CDH20: variants seen among roughly 807,000 people sequenced by gnomAD.
CDH20 encodes cadherin 20, also known as cadherin-20.
Under a neutral mutation model 74.2 loss-of-function variants are expected in CDH20, and 29 were observed. The observed-to-expected ratio is 0.39, with a 90% CI of 0.29 to 0.53. CDH20 has a LOEUF of 0.53. Among genes scored for constraint, CDH20 ranks in the 20% least tolerant of loss-of-function variants. CDH20 has a pLI of 0.69. For missense variants in CDH20, 988 were observed against 1,048.3 expected (o/e 0.94, Z 0.79); for synonymous variants, 469 against 405.4 (o/e 1.16, Z -1.88).
chr18:61,500,670 G>T (rs986007585), intron 4 of CDH20, among the ~76,000 whole-genome samples, 168 bp downstream of exon 4: 2 of 152,164 alleles, frequency 1.3e-5, no homozygotes, highest in African/African-American at 4.8e-5. Flanking sequence ...TGCCCTGACA[G>T]GTAAGAGCAG....
chr18:61,525,821 T>C (rs1478575049), intron 6 of CDH20, among the ~76,000 whole-genome samples: 2 of 152,202 alleles, frequency 1.3e-5, no homozygotes, highest in Middle Eastern at 3.4e-3. Flanking sequence ...TTAATGTAAT[T>C]TTTTTGAGAC....
At chr18:61,501,196 A>G (rs979576269) in intron 4 of CDH20, among the ~76,000 whole-genome samples, 1 of 152,202 alleles carries the variant, frequency 6.6e-6, no homozygotes, top group African/African-American at 2.4e-5. Context: ...GGCGAGGAGC[A>G]ATGCGGCAGA....
At chr18:61,367,247 G>A (rs1364647384) in intron 1 of CDH20, among the ~76,000 whole-genome samples, 1 of 152,082 alleles carries the variant, frequency 6.6e-6, no homozygotes, top group Non-Finnish European at 1.5e-5. Context: ...GCTGACACGG[G>A]AAAATGAGTA....
At chr18:61,425,017 C>CCTCTCT (rs201801706) in intron 1 of CDH20, among the ~76,000 whole-genome samples, 5,226 of 147,974 alleles carry the variant, frequency 0.035, 149 homozygotes, top group South Asian at 0.069. Context: ...AGTTCCTCTC[C>CCTCTCT]CTCTCTCTCC....
chr18:61,515,173 C>T (rs548134341), intron 6 of CDH20, among the ~76,000 whole-genome samples: 99 of 152,242 alleles, frequency 6.5e-4, no homozygotes, highest in Non-Finnish European at 9.6e-4. Flanking sequence ...CTAGGACCCT[C>T]GGAGCCAGGT....
intron 1 of CDH20, among the ~76,000 whole-genome samples, chr18:61,351,962 TAAAG>T (rs1337548580): frequency 6.6e-6 from 1 of 152,196 alleles, no homozygotes; most frequent in Non-Finnish European, 1.5e-5. Context: ...AAGCCATGCA[TAAAG>T]ACTTATTTTG....
At chr18:61,525,964 A>ATTTTT (rs1006282537) in intron 6 of CDH20, among the ~76,000 whole-genome samples, 19 of 84,362 alleles carry the variant, frequency 2.3e-4, no homozygotes, top group African/African-American at 3.9e-4. Flanking sequence ...CACCCAGCTA[A>ATTTTT]TTTTTTTTTT....
At chr18:61,359,498 C>T (rs991551105) in intron 1 of CDH20, among the ~76,000 whole-genome samples, 1 of 152,220 alleles carries the variant, frequency 6.6e-6, no homozygotes, top group East Asian at 1.9e-4. Context: ...GACCAATCTT[C>T]TAAGAATTCA....
chr18:61,337,274 C>T (rs922714065), intron 1 of CDH20, among the ~76,000 whole-genome samples: 1 of 152,170 alleles, frequency 6.6e-6, no homozygotes, highest in Non-Finnish European at 1.5e-5. Context: ...ATTCCCTCCA[C>T]ATTCTACTTC....
chr18:61,490,862 A>G, intron 2 of CDH20, 63 bp downstream of exon 2: 3 of 1,536,692 alleles, frequency 2.0e-6, no homozygotes, highest in Non-Finnish European at 2.7e-6. Context: ...TGAATTGAGT[A>G]TCAAAGTTGA....
intron 6 of CDH20, among the ~76,000 whole-genome samples, chr18:61,509,623 G>C (rs1169580036): frequency 1.3e-5 from 2 of 152,206 alleles, no homozygotes; most frequent in East Asian, 3.9e-4. Context: ...TTTTTACTCT[G>C]AGTAAAGTGG....
At chr18:61,412,256 A>C (rs1333936079) in intron 1 of CDH20, among the ~76,000 whole-genome samples, 2 of 152,198 alleles carry the variant, frequency 1.3e-5, no homozygotes, top group African/African-American at 4.8e-5. Context: ...CATTGAAAAG[A>C]TTACCAGTTT....
intron 6 of CDH20, among the ~76,000 whole-genome samples, chr18:61,523,124 G>C (rs1947303532): frequency 6.6e-6 from 1 of 151,504 alleles, no homozygotes; most frequent in African/African-American, 2.4e-5. Context: ...AATTCAACAG[G>C]CAACCTACAT....
At chr18:61,431,688 G>T (rs1913260328) in intron 1 of CDH20, among the ~76,000 whole-genome samples, 1 of 152,056 alleles carries the variant, frequency 6.6e-6, no homozygotes, top group South Asian at 2.1e-4. Flanking sequence ...AATAATTTTT[G>T]CCATCTTGAA....
At chr18:61,402,292 T>C (rs1051712473) in intron 1 of CDH20, among the ~76,000 whole-genome samples, 1 of 152,186 alleles carries the variant, frequency 6.6e-6, no homozygotes, top group Admixed American at 6.5e-5. Flanking sequence ...GAAGGCTCAT[T>C]CTTCACCCTG....
Position 61,509,121 on chromosome 18 carries a change from A to C in CDH20, c.1017+1561A>C, listed in dbSNP as rs548470064. ...GGATAAAAGACTACAAATATGGTGC[A>C]GTATATACTGCTCAGGTGATGGGTG... On this transcript the variant is annotated intron_variant, in intron 6 of 11. Coordinates refer to ENST00000262717, the MANE Select transcript of CDH20 (RefSeq NM_031891.4). 9.2e-5 allele frequency among the ~76,000 whole-genome samples: 14 copies of C among 152,354 alleles called. No individual in the cohort carries two copies. In the South Asian group the frequency reaches 2.7e-3, roughly 29 times the overall value.
At chr18:61,547,259 T>G (rs1231021775) in intron 10 of CDH20, among the ~76,000 whole-genome samples, 1 of 151,982 alleles carries the variant, frequency 6.6e-6, no homozygotes, top group Non-Finnish European at 1.5e-5. Context: ...GCCCAGGAGT[T>G]CAAGGCTGCA....
intron 1 of CDH20, among the ~76,000 whole-genome samples, chr18:61,348,295 G>A (rs1393246877): frequency 6.6e-6 from 1 of 152,110 alleles, no homozygotes; most frequent in Admixed American, 6.6e-5. Context: ...CCAAAAGATG[G>A]TTCAAAATCA....
At chr18:61,527,366 A>AATAGATAG (rs10585438) in intron 6 of CDH20, among the ~76,000 whole-genome samples, 5,422 of 142,074 alleles carry the variant, frequency 0.038, 145 homozygotes, top group African/African-American at 0.072. Flanking sequence ...TGAATATTCT[A>AATAGATAG]ATAGATAGAT....
Sources: gnomAD v4.1 joint callset for allele counts (sites outside exome capture counted in the v4.1 genomes callset) on GRCh38, gnomAD v4.1.1 for gene constraint, MANE v1.5 for transcripts, NCBI Gene and HGNC (gene_info 2026-07-23, HGNC 2026-07-21) for gene names.